The following ADGRL2 variants were observed in gnomAD, a reference collection of about 807,000 sequenced individuals.
The protein encoded by ADGRL2 is calcium-independent alpha-latrotoxin receptor 2.
A neutral mutation model predicts 157.4 loss-of-function variants in ADGRL2; 44 were observed. The observed-to-expected ratio is 0.28, with a 90% CI of 0.22 to 0.36. The LOEUF (loss-of-function observed/expected upper bound fraction) is 0.36. Among genes scored for constraint, ADGRL2 ranks in the 10% least tolerant of loss-of-function variants. The pLI is 1.00. For missense variants in ADGRL2, 1,510 were observed against 1,768.9 expected, an observed-to-expected ratio of 0.85 and a Z score of 2.63; for synonymous variants, 585 against 624.7, an observed-to-expected ratio of 0.94 and a Z score of 0.95.
At position 81,726,837 on chromosome 1, in the gene ADGRL2, T is replaced by A. The variant is rs571831167; in HGVS notation, c.-143+27029T>A. On this transcript the variant is annotated intron_variant, in intron 1 of 20. Coordinates refer to the ADGRL2 transcript ENST00000359929. ...AGTAGGAACTTTGGACAGATAACTG[T>A]TCAGGCCTGAATAAGAATCCATCCT... is the stretch of plus-strand genomic sequence containing the variant. 1.3e-4 allele frequency among the ~76,000 whole-genome samples: 20 copies of A among 152,332 alleles called. No individual in the cohort carries two copies. The South Asian group carries it at 2.9e-3, about 22-fold the overall frequency.
At chr1:81,580,482 C>T (rs1207563752) in intron 2 of ADGRL2, among the ~76,000 whole-genome samples, 2 of 151,916 alleles carry the variant, frequency 1.3e-5, no homozygotes, top group East Asian at 3.9e-4. Context: ...AGTTTTTGAA[C>T]AGGCGTGATG....
At chr1:81,724,926 C>G (rs2084461957) in intron 1 of ADGRL2, among the ~76,000 whole-genome samples, 1 of 152,160 alleles carries the variant, frequency 6.6e-6, no homozygotes, top group South Asian at 2.1e-4. Flanking sequence ...AACACCACAG[C>G]CGGGCACGGT....
intron 1 of ADGRL2, among the ~76,000 whole-genome samples, chr1:81,430,397 T>C (rs576543116): frequency 6.6e-6 from 1 of 152,266 alleles, no homozygotes; most frequent in African/African-American, 2.4e-5. Flanking sequence ...CTGGTTAGAT[T>C]TGAGTGGAGA....
intron 15 of ADGRL2, 102 bp downstream of exon 15, chr1:81,969,489 G>C: frequency 1.4e-6 from 1 of 707,718 alleles, no homozygotes; most frequent in Non-Finnish European, 2.4e-6. Context: ...CTTGTAACTT[G>C]ATAGAATTGA....
At chr1:81,396,624 G>A (rs1284671820) in intron 1 of ADGRL2, among the ~76,000 whole-genome samples, 2 of 152,148 alleles carry the variant, frequency 1.3e-5, no homozygotes, top group African/African-American at 4.8e-5. Flanking sequence ...GATGTTAACT[G>A]TGGGTTTATC....
chr1:81,703,899 C>T (rs1319996658), intron 1 of ADGRL2, among the ~76,000 whole-genome samples: 1 of 152,110 alleles, frequency 6.6e-6, no homozygotes, highest in Non-Finnish European at 1.5e-5. Flanking sequence ...GTATTCTACA[C>T]TAAGGAAGGA....
intron 1 of ADGRL2, among the ~76,000 whole-genome samples, chr1:81,416,523 T>C (rs2077037466): frequency 6.6e-6 from 1 of 152,228 alleles, no homozygotes; most frequent in Non-Finnish European, 1.5e-5. Context: ...ATACATGTAG[T>C]AGATTAAATA....
intron 11 of ADGRL2, among the ~76,000 whole-genome samples, chr1:81,956,337 G>A (rs1472925141): frequency 6.6e-6 from 1 of 152,302 alleles, no homozygotes; most frequent in Non-Finnish European, 1.5e-5. Flanking sequence ...ATACCAGAAT[G>A]TAGATTTTTT....
At chr1:81,466,631 A>G (rs933609054) in intron 2 of ADGRL2, among the ~76,000 whole-genome samples, 20 of 151,932 alleles carry the variant, frequency 1.3e-4, no homozygotes, top group African/African-American at 4.8e-4. Context: ...CCCAGTGATA[A>G]GTACAAGACA....
In ADGRL2 at chr1:81,614,414, G is replaced by A. The variant is rs531536329; in HGVS notation, c.-143+33434G>A. Reference sequence around the variant, plus strand: ...CTCTCCATTCCATGGTATAGTAACTGGGGACTGTGTATATTGAGGAGAGAG... The same window carrying A: ...CTCTCCATTCCATGGTATAGTAACTAGGGACTGTGTATATTGAGGAGAGAG... On this transcript the variant is annotated intron_variant, in intron 3 of 24. Coordinates refer to the ADGRL2 transcript ENST00000370721. Among the ~76,000 whole-genome samples, 12 of 152,318 alleles carry A rather than the reference G, an allele frequency of 7.9e-5. No individual in the cohort carries two copies. In the South Asian group the frequency reaches 2.1e-3, roughly 26 times the overall value.
intron 3 of ADGRL2, among the ~76,000 whole-genome samples, chr1:81,684,272 T>G (rs1467689632): frequency 6.6e-6 from 1 of 152,250 alleles, no homozygotes; most frequent in Non-Finnish European, 1.5e-5. Context: ...TGTTCCCTGA[T>G]CACCGTATCC....
At chr1:81,934,301 G>T (rs891724925) in intron 3 of ADGRL2, among the ~76,000 whole-genome samples, 1 of 151,816 alleles carries the variant, frequency 6.6e-6, no homozygotes, top group Non-Finnish European at 1.5e-5. Flanking sequence ...TATGGTGTTG[G>T]TCCTCTTTCA....
chr1:81,680,497 A>G (rs2148951740), intron 3 of ADGRL2, among the ~76,000 whole-genome samples: 1 of 152,100 alleles, frequency 6.6e-6, no homozygotes, highest in South Asian at 2.1e-4. Flanking sequence ...ATATTCCCCA[A>G]ATGCAACCAT....
intron 2 of ADGRL2, among the ~76,000 whole-genome samples, chr1:81,528,628 A>G (rs1219187656): frequency 1.4e-5 from 2 of 146,268 alleles, no homozygotes; most frequent in Non-Finnish European, 3.0e-5. Context: ...GCCTGGGCAA[A>G]AAAGTGAGAC....
rs936623293 is a variant in ADGRL2 at position 81,953,130 on chromosome 1, A to G, written c.1833+105A>G. On this transcript the variant is annotated intron_variant, in intron 10 of 23. Coordinates refer to ENST00000686636, the MANE Select transcript of ADGRL2 (RefSeq NM_001366006.2). Reference sequence around the variant, plus strand: ...ATGTATTTCAGTCTTTGATAATTATATAATGTGCCCCATATCAGCTGTACA... The same window carrying G: ...ATGTATTTCAGTCTTTGATAATTATGTAATGTGCCCCATATCAGCTGTACA... The G allele has an allele frequency of 4.3e-6, 4 of 933,016 alleles. No homozygotes were observed. The Middle Eastern group carries it at 6.5e-4, about 152-fold the overall frequency. The allele number at this position is 933,016 out of a possible 1,614,324, so 57.8% of individuals were successfully genotyped here.
chr1:81,803,398 C>T (rs1470966007), intron 1 of ADGRL2, among the ~76,000 whole-genome samples: 1 of 152,070 alleles, frequency 6.6e-6, no homozygotes, highest in African/African-American at 2.4e-5. Context: ...GGAAGCTTTA[C>T]TTAATGCTAA....
rs140315616 is a variant in ADGRL2 at position 81,452,299 on chromosome 1, A to G, written c.-248+7210A>G. On this transcript the variant is annotated intron_variant, in intron 2 of 24. Transcript: ENST00000370721. ...TTATTCCGCCCAGGTTTAGACATTT[A>G]TCTGGTCTGGATTTGTTTACTAATC... Among the ~76,000 whole-genome samples, 372 of 152,258 alleles carry G rather than the reference A, an allele frequency of 2.4e-3. 4 individuals carry two copies. Among genetic ancestry groups the G allele is most frequent in the African/African-American group, 8.8e-3 (364 of 41,556 alleles).
At chr1:81,975,790 G>A (rs1216867185) in intron 17 of ADGRL2, among the ~76,000 whole-genome samples, 1 of 151,968 alleles carries the variant, frequency 6.6e-6, no homozygotes, top group Non-Finnish European at 1.5e-5. Context: ...AATGACTACA[G>A]ATTTTTATCA....
At chr1:81,344,073 A>T (rs919527036) in intron 1 of ADGRL2, among the ~76,000 whole-genome samples, 2 of 151,984 alleles carry the variant, frequency 1.3e-5, no homozygotes, top group Non-Finnish European at 2.9e-5. Context: ...CAAAGAAAAA[A>T]AAATTTTTCT....
Sources: allele counts gnomAD v4.1 joint callset (sites outside exome capture counted in the v4.1 genomes callset), GRCh38; gene constraint gnomAD v4.1.1; transcripts MANE v1.5; gene names NCBI Gene and HGNC (gene_info 2026-07-23, HGNC 2026-07-21).